Variants in CLIC5 observed in about 807,000 individuals in gnomAD.
CLIC5 encodes CLIC family member 5.
CLIC5 carries 20 observed loss-of-function variants against 24.7 expected under a neutral mutation model. That is an observed-to-expected ratio of 0.81 (90% CI 0.57 to 1.18). The LOEUF is 1.18. Ranked by LOEUF, CLIC5 falls within the 50% of genes most tolerant of loss-of-function variation. CLIC5 has a pLI of 0.00. For synonymous variants in CLIC5, 159 were observed against 135.6 expected, an observed-to-expected ratio of 1.17 and a Z score of -1.20; for missense variants, 341 against 326.1, an observed-to-expected ratio of 1.05 and a Z score of -0.35.
At position 45,952,979 on chromosome 6, in the gene CLIC5, A is replaced by G. The variant is rs114033730; in HGVS notation, c.173+2156T>C. 2.0e-3 allele frequency among the ~76,000 whole-genome samples: 304 copies of G among 152,326 alleles called. 1 individual carries two copies. The highest frequency in any genetic ancestry group is 6.4e-3 in the African/African-American group (267 of 41,572). Reference sequence around the variant, plus strand: ...AGTATTTGAGGACCTGTGAAAAACTAGTTTCTATGGAGGATACAAACAAAC... The same window carrying G: ...AGTATTTGAGGACCTGTGAAAAACTGGTTTCTATGGAGGATACAAACAAAC... On this transcript the variant is annotated intron_variant, in intron 2 of 5. Transcript: ENST00000339561.
the CLIC5 span, among the ~76,000 whole-genome samples, chr6:46,109,872 A>G: frequency 6.6e-6 from 1 of 152,016 alleles, no homozygotes; most frequent in Non-Finnish European, 1.5e-5. Context: ...GACATAATGT[A>G]AAAGAGTCTT....
intron 1 of CLIC5, among the ~76,000 whole-genome samples, chr6:46,001,428 CCTGGCTGT>C (rs1766355416): frequency 6.6e-6 from 1 of 152,202 alleles, no homozygotes; most frequent in Non-Finnish European, 1.5e-5. Flanking sequence ...CAACTTCTTC[CCTGGCTGT>C]GCTGCAAAAC....
Position 45,902,972 on chromosome 6 carries a change from A to T in CLIC5, c.*116T>A. Reference sequence around the variant, plus strand: ...GAGTTCCCATGATACCAGCAAGATGAGGCTTGATTATAAAAAGTGCGCCTC... The same window carrying T: ...GAGTTCCCATGATACCAGCAAGATGTGGCTTGATTATAAAAAGTGCGCCTC... On this transcript the variant is annotated 3_prime_UTR_variant, in exon 6 of 6. Transcript: ENST00000339561. 2 of 1,133,784 alleles carry T rather than the reference A, an allele frequency of 1.8e-6. No homozygotes were observed. The highest frequency in any genetic ancestry group is 2.6e-6 in the Non-Finnish European group (2 of 777,540). 70.2% of individuals were successfully genotyped at this position (1,133,784 alleles called of 1,614,324 possible). A position where few individuals can be genotyped will look rare whatever the true frequency, so the allele number is the denominator to read the frequency against.
At chr6:46,043,196 G>C (rs564128261) in intron 1 of CLIC5, among the ~76,000 whole-genome samples, 2 of 152,258 alleles carry the variant, frequency 1.3e-5, no homozygotes, top group South Asian at 4.1e-4. Flanking sequence ...ATGATGTACA[G>C]TTATTGAGCA....
chr6:46,096,798 A>T, the CLIC5 span, among the ~76,000 whole-genome samples: 7 of 152,264 alleles, frequency 4.6e-5, no homozygotes, highest in Non-Finnish European at 1.5e-5. Context: ...ATGATGTTGA[A>T]TGAAACAACC....
At chr6:46,103,905 T>C in the CLIC5 span, among the ~76,000 whole-genome samples, 2 of 152,126 alleles carry the variant, frequency 1.3e-5, no homozygotes, top group African/African-American at 4.8e-5. Context: ...TTCTTACCCA[T>C]CAGGCTCCCA....
intron 1 of CLIC5, among the ~76,000 whole-genome samples, chr6:46,058,093 GTGTT>G (rs375744095): frequency 0.043 from 6,504 of 151,964 alleles, 198 homozygotes; most frequent in Non-Finnish European, 0.07. Context: ...GTGTGTGTGT[GTGTT>G]TGTCTGGATA....
At chr6:45,919,381 G>A (rs181299988) in intron 4 of CLIC5, among the ~76,000 whole-genome samples, 1 of 152,290 alleles carries the variant, frequency 6.6e-6, no homozygotes, top group East Asian at 1.9e-4. Flanking sequence ...CCATGGGGAT[G>A]CTGGGTGGGG....
At chr6:45,956,278 A>G (rs1029453966) in intron 1 of CLIC5, among the ~76,000 whole-genome samples, 2 of 152,200 alleles carry the variant, frequency 1.3e-5, no homozygotes, top group African/African-American at 4.8e-5. Flanking sequence ...TTGGCCCCCA[A>G]CATAATACTT....
intron 1 of CLIC5, among the ~76,000 whole-genome samples, chr6:45,984,046 G>A (rs933692327): frequency 6.6e-6 from 1 of 152,170 alleles, no homozygotes; most frequent in Non-Finnish European, 1.5e-5. Flanking sequence ...TCATCACAGA[G>A]ATGAATAGAA....
upstream of CLIC5, among the ~76,000 whole-genome samples, chr6:46,016,149 G>A (rs968958631): frequency 8.1e-6 from 1 of 124,206 alleles, no homozygotes; most frequent in Non-Finnish European, 1.7e-5. Context: ...GGGGAAAGGG[G>A]AAGGGGAAGA....
intron 1 of CLIC5, among the ~76,000 whole-genome samples, chr6:46,043,492 T>C (rs1162143923): frequency 1.3e-5 from 2 of 152,180 alleles, no homozygotes; most frequent in South Asian, 2.1e-4. Flanking sequence ...GTGGTGGAAG[T>C]ATAACAGGTC....
At chr6:45,993,744 G>T (rs1581837000) in intron 1 of CLIC5, among the ~76,000 whole-genome samples, 1 of 152,146 alleles carries the variant, frequency 6.6e-6, no homozygotes, top group Admixed American at 6.5e-5. Flanking sequence ...AAAAACAAGG[G>T]CCACTAGAGT....
At position 45,903,230 on chromosome 6, in the gene CLIC5, T is replaced by C. The variant is rs2127294197; in HGVS notation, c.614A>G (p.Tyr205Cys). The C allele has an allele frequency of 6.2e-7, 1 of 1,603,142 alleles. No homozygotes were observed. Residue 205 changes from tyrosine (Y) to cysteine (C), a missense_variant, in exon 6 of 6, where the codon TAT (tyrosine) becomes TGT (cysteine). Physicochemically the swap from Tyr to Cys is radical, Grantham distance 194. Transcript: ENST00000339561. ...GCCTGTCATCTCAGCCGGGATATCATAGTTGCGGTATTTCTTGGCCACAAT... is the reference window on the plus strand; with the variant it reads ...GCCTGTCATCTCAGCCGGGATATCACAGTTGCGGTATTTCTTGGCCACAAT... ...VKIVAKKYRN[Y>C]DIPAEMTGLW...
Position 45,899,196 on chromosome 6 carries a change from C to T in CLIC5, c.*3892G>A, listed in dbSNP as rs1205169834. 6.6e-6 allele frequency: 1 copy of T among 152,138 alleles called. No individual in the cohort carries two copies. The highest frequency in any genetic ancestry group is 2.4e-5 in the African/African-American group (1 of 41,418). The allele number at this position is 152,138 out of a possible 1,614,324, so 9.4% of individuals were successfully genotyped here. ...GGGGCTGTGTGCAGCAGGTCCTGTT[C>T]GCTTAAGTTTTCCTAACATCAGAAT... is the stretch of plus-strand genomic sequence containing the variant. On this transcript the variant is annotated 3_prime_UTR_variant, in exon 6 of 6. Transcript: ENST00000339561.
chr6:45,994,302 A>C (rs142333133), intron 1 of CLIC5, among the ~76,000 whole-genome samples: 1 of 152,222 alleles, frequency 6.6e-6, no homozygotes, highest in South Asian at 2.1e-4. Context: ...ATGGAATACT[A>C]TGCAGTCATA....
intron 6 of CLIC5, among the ~76,000 whole-genome samples, chr6:45,887,345 C>T (rs1762313439): frequency 6.6e-6 from 1 of 152,270 alleles, no homozygotes; most frequent in South Asian, 2.1e-4. Context: ...TCTGCTAGCC[C>T]CAGGTTTTCC....
At chr6:45,988,626 C>T (rs1439181594) in intron 1 of CLIC5, among the ~76,000 whole-genome samples, 1 of 152,234 alleles carries the variant, frequency 6.6e-6, no homozygotes, top group Admixed American at 6.5e-5. Flanking sequence ...TCATGCCACG[C>T]TTAACTATTA....
intron 1 of CLIC5, among the ~76,000 whole-genome samples, chr6:46,031,375 T>C (rs1160016555): frequency 6.6e-6 from 1 of 152,156 alleles, no homozygotes; most frequent in Non-Finnish European, 1.5e-5. Flanking sequence ...GTAAAAGATG[T>C]GAACACTTAG....
Sources: gnomAD v4.1 joint callset for allele counts (sites outside exome capture counted in the v4.1 genomes callset) on GRCh38, gnomAD v4.1.1 for gene constraint, MANE v1.5 for transcripts, NCBI Gene and HGNC (gene_info 2026-07-23, HGNC 2026-07-21) for gene names.